Variants in TNRC6B observed in about 807,000 individuals in gnomAD.
TNRC6B encodes trinucleotide repeat-containing gene 6B protein.
A neutral mutation model predicts 203.6 loss-of-function variants in TNRC6B; 52 were observed. The ratio of observed to expected loss-of-function variants is 0.26; its 90% CI spans 0.20 to 0.32. The LOEUF is 0.32. TNRC6B is among the 10% of genes least tolerant of loss of function. TNRC6B has a pLI of 1.00. For synonymous variants in TNRC6B, 838 were observed against 845.7 expected (o/e 0.99, Z 0.16); for missense variants, 1,923 against 2,286.2 (o/e 0.84, Z 3.24).
chr22:40,132,801 G>T (rs2068559393), intron 3 of TNRC6B, among the ~76,000 whole-genome samples: 1 of 140,940 alleles, frequency 7.1e-6, no homozygotes, highest in African/African-American at 2.6e-5. Flanking sequence ...AAAATTAGCC[G>T]AGCATGGTGG....
intron 3 of TNRC6B, among the ~76,000 whole-genome samples, chr22:40,141,759 T>TTTTTTG (rs149602065): frequency 6.6e-5 from 10 of 151,128 alleles, no homozygotes; most frequent in Admixed American, 1.3e-4. Context: ...TTTTTTCTTG[T>TTTTTTG]TTTTTGTTTT....
chr22:40,216,272 G>A (rs753075781), intron 1 of TNRC6B, among the ~76,000 whole-genome samples: 5 of 152,066 alleles, frequency 3.3e-5, no homozygotes, highest in East Asian at 1.9e-4. Context: ...TTCCCCGACC[G>A]CATGCACTCC....
At chr22:40,274,750 T>C (rs907168186) in intron 7 of TNRC6B, among the ~76,000 whole-genome samples, 2 of 152,212 alleles carry the variant, frequency 1.3e-5, no homozygotes, top group Non-Finnish European at 2.9e-5. Flanking sequence ...CTACATCATG[T>C]ACCAGGTTGT....
chr22:40,310,732 C>T, intron 16 of TNRC6B, 85 bp from the exon 17 acceptor site: 2 of 1,356,120 alleles, frequency 1.5e-6, no homozygotes, highest in Non-Finnish European at 2.0e-6. Context: ...CTTCAGAAGA[C>T]TGTTTGCATT....
chr22:40,170,292 T>A lies in TNRC6B; in HGVS notation c.113+14110T>A, dbSNP rs145191255. ...AACCCTATCTCAAGGGGGAAAAAAA[T>A]ATATATATATAATATATATTTTATA... is the stretch of plus-strand genomic sequence containing the variant. On this transcript the variant is annotated intron_variant, in intron 4 of 23. Coordinates refer to the TNRC6B transcript ENST00000301923. 8.5e-3 allele frequency among the ~76,000 whole-genome samples: 1,043 copies of A among 122,250 alleles called. 22 individuals carry two copies. The highest frequency in any genetic ancestry group is 0.027 in the African/African-American group (861 of 31,472). 80.2% of individuals were successfully genotyped at this position (122,250 alleles called of 152,430 possible). A position where few individuals can be genotyped will look rare whatever the true frequency, so the allele number is the denominator to read the frequency against.
At chr22:40,129,601 G>A (rs1451127979) in intron 3 of TNRC6B, among the ~76,000 whole-genome samples, 6 of 152,192 alleles carry the variant, frequency 3.9e-5, no homozygotes, top group Non-Finnish European at 8.8e-5. Flanking sequence ...CAAGAATCAA[G>A]GAGGTTGACA....
chr22:40,183,411 C>T (rs981148248), intron 1 of TNRC6B, among the ~76,000 whole-genome samples: 3 of 152,108 alleles, frequency 2.0e-5, no homozygotes, highest in Non-Finnish European at 2.9e-5. Flanking sequence ...CAGCACGGAG[C>T]CTTTTCTCTT....
chr22:40,127,374 A>G (rs1206884667), intron 3 of TNRC6B, among the ~76,000 whole-genome samples: 1 of 152,086 alleles, frequency 6.6e-6, no homozygotes, highest in Non-Finnish European at 1.5e-5. Context: ...GCAGAAGCAT[A>G]TAGGTTTTCA....
chr22:40,306,211 T>G (rs2071086126), intron 15 of TNRC6B, among the ~76,000 whole-genome samples: 1 of 152,106 alleles, frequency 6.6e-6, no homozygotes, highest in African/African-American at 2.4e-5. Context: ...GAAAATCGCT[T>G]GAACCCAGAG....
intron 1 of TNRC6B, among the ~76,000 whole-genome samples, chr22:40,105,320 A>C (rs1354197445): frequency 6.6e-6 from 1 of 152,236 alleles, no homozygotes; most frequent in Non-Finnish European, 1.5e-5. Context: ...AGAAAAGTGC[A>C]TAAAGTACAA....
chr22:40,300,270 T>C (rs1040747655), intron 12 of TNRC6B, among the ~76,000 whole-genome samples, 185 bp from the exon 13 acceptor site: 8 of 152,202 alleles, frequency 5.3e-5, no homozygotes, highest in African/African-American at 1.9e-4. Flanking sequence ...ACTGTTGTAA[T>C]CTCACTGCTC....
At chr22:40,258,064 A>G (rs564140353) in intron 3 of TNRC6B, among the ~76,000 whole-genome samples, 50 of 84,144 alleles carry the variant, frequency 5.9e-4, no homozygotes, top group Non-Finnish European at 1.3e-3. Context: ...AAAATAGGAT[A>G]CACAGCCTTT....
chr22:40,313,270 A>G (rs1192318048), intron 19 of TNRC6B, among the ~76,000 whole-genome samples: 4 of 152,196 alleles, frequency 2.6e-5, no homozygotes, highest in Admixed American at 2.6e-4. Flanking sequence ...TCACGTCCTA[A>G]TGACACACAT....
At chr22:40,119,692 C>T (rs1226232168) in intron 2 of TNRC6B, among the ~76,000 whole-genome samples, 1 of 152,238 alleles carries the variant, frequency 6.6e-6, no homozygotes, top group East Asian at 1.9e-4. Context: ...ATGACTTGTT[C>T]ACCCCTCTAG....
intron 5 of TNRC6B, 52 bp downstream of exon 5, chr22:40,267,088 C>G (rs2070492980): frequency 1.2e-5 from 18 of 1,452,722 alleles, no homozygotes; most frequent in Non-Finnish European, 1.5e-5. Flanking sequence ...GAATCCTAGA[C>G]CAAGGCATTT....
At chr22:40,232,229 C>T (rs2069882115) in intron 1 of TNRC6B, among the ~76,000 whole-genome samples, 3 of 152,240 alleles carry the variant, frequency 2.0e-5, no homozygotes, top group Non-Finnish European at 2.9e-5. Context: ...GCATATCATA[C>T]GGGACAAGTA....
In TNRC6B at chr22:40,326,765, C is replaced by T. The variant is rs1422194308; in HGVS notation, c.*3524C>T. ...AAATATAGGTTAATAATTTTTGGAA[C>T]AAATTTTAAATATAGGCATTACTAG... On this transcript the variant is annotated 3_prime_UTR_variant, in exon 23 of 23. Transcript: ENST00000454349. 1.3e-5 allele frequency: 2 copies of T among 152,394 alleles called. No individual in the cohort carries two copies. The highest frequency in any genetic ancestry group is 1.9e-4 in the East Asian group (1 of 5,198). The allele number at this position is 152,394 out of a possible 1,614,324, so 9.4% of individuals were successfully genotyped here.
At chr22:40,269,076 T>A (rs1308824473) in intron 5 of TNRC6B, among the ~76,000 whole-genome samples, 1 of 151,008 alleles carries the variant, frequency 6.6e-6, no homozygotes, top group South Asian at 2.1e-4. Context: ...ACTTATAGCT[T>A]CCAATTTTAG....
intron 15 of TNRC6B, among the ~76,000 whole-genome samples, chr22:40,304,360 C>T (rs1234372535): frequency 2.0e-5 from 3 of 152,150 alleles, no homozygotes; most frequent in African/African-American, 7.2e-5. Context: ...TGGCTCATGC[C>T]TGGTAATCCC....
Sources: allele counts gnomAD v4.1 joint callset (sites outside exome capture counted in the v4.1 genomes callset), GRCh38; gene constraint gnomAD v4.1.1; transcripts MANE v1.5; gene names NCBI Gene and HGNC (gene_info 2026-07-23, HGNC 2026-07-21).